The following ESYT1 variants were observed in gnomAD, a reference collection of about 807,000 sequenced individuals.
ESYT1 encodes the protein extended synaptotagmin 1.
A neutral mutation model predicts 154.2 loss-of-function variants in ESYT1; 116 were observed. The ratio of observed to expected loss-of-function variants is 0.75; its 90% CI spans 0.65 to 0.88. ESYT1 has a LOEUF of 0.88. Ranked by LOEUF, ESYT1 falls within the 40% of genes least tolerant of loss-of-function variation. The probability of loss-of-function intolerance (pLI) is 0.00; values close to 1 mark genes in which losing one functional copy is unlikely to be tolerated. For missense variants in ESYT1, 1,264 were observed against 1,379.3 expected, an observed-to-expected ratio of 0.92 and a Z score of 1.32; for synonymous variants, 500 against 539.9, an observed-to-expected ratio of 0.93 and a Z score of 1.02.
chr12:56,143,658 C>G (rs1234706699), intron 30 of ESYT1, 29 bp downstream of exon 30: 1 of 1,613,864 alleles, frequency 6.2e-7, no homozygotes. Flanking sequence ...GGGGGATGGT[C>G]TGGATATTTC....
chr12:56,143,401 G>A, intron 29 of ESYT1, 68 bp downstream of exon 29: 1 of 1,553,886 alleles, frequency 6.4e-7, no homozygotes, highest in African/African-American at 1.4e-5. Context: ...TATAGTCCCT[G>A]TGAGGAAGGA....
In ESYT1 at chr12:56,134,976, A is replaced by G. The variant is rs549597199; in HGVS notation, c.1632+548A>G. ...ATGAAACTGGCCAGTAAGCATTGTG[A>G]AAGCAGATGCTATGTTTCGTGCTTT... On this transcript the variant is annotated intron_variant, in intron 15 of 30. Coordinates refer to ENST00000394048, the MANE Select transcript of ESYT1 (RefSeq NM_015292.3). Among the ~76,000 whole-genome samples, 3 of 152,248 alleles carry G rather than the reference A, an allele frequency of 2.0e-5. 1 individual carries two copies. The South Asian group carries it at 6.2e-4, about 32-fold the overall frequency.
At chr12:56,129,918 CT>C (rs11347989) in intron 1 of ESYT1, among the ~76,000 whole-genome samples, 30,264 of 147,710 alleles carry the variant, frequency 0.2, 4,422 homozygotes, top group African/African-American at 0.42. Context: ...GAAAAGGGGA[CT>C]TTTTTTTTTT....
chr12:56,131,826 C>T (rs1367589004), intron 7 of ESYT1, 22 bp downstream of exon 7: 3 of 1,610,790 alleles, frequency 1.9e-6, no homozygotes, highest in Non-Finnish European at 2.5e-6. Context: ...TTACTGAGCA[C>T]CTGCTGAGTG....
At position 56,128,598 on chromosome 12, in the gene ESYT1, G is replaced by T. The variant is rs1870099361; in HGVS notation, c.279G>T (p.Arg93=). 1 of 1,614,122 alleles carries T rather than the reference G, an allele frequency of 6.2e-7. No homozygotes were observed. Among genetic ancestry groups the T allele is most frequent in the African/African-American group, 1.3e-5 (1 of 75,056 alleles). ...FGLALYLGWR[R]VRDEKERSLR... ...TCGCCCTCTACCTGGGCTGGCGCCGGGTCCGCGACGAGAAAGAACGGAGCC... is the reference window on the plus strand; with the variant it reads ...TCGCCCTCTACCTGGGCTGGCGCCGTGTCCGCGACGAGAAAGAACGGAGCC... The change falls in exon 1 of 31, where the codon CGG becomes CGT. Residue 93 remains arginine, a synonymous_variant. Transcript: ENST00000394048.
rs546952706 is a variant in ESYT1, at chr12:56,133,100, G to A, written c.1244+299G>A. The stretch of plus-strand genomic sequence containing the variant: ...CGCGCCACTGCACTCCAGCCTGGGC[G>A]ACAGAGCGAGACTCTGTCTCTAAAG... On this transcript the variant is annotated intron_variant, in intron 10 of 30. Transcript: ENST00000394048. Among the ~76,000 whole-genome samples, 6 of 151,916 alleles carry A rather than the reference G, an allele frequency of 3.9e-5. No individual in the cohort carries two copies. The South Asian group carries it at 6.3e-4, about 16-fold the overall frequency.
intron 1 of ESYT1, 142 bp from the exon 2 acceptor site, chr12:56,130,440 G>A: frequency 1.1e-6 from 1 of 935,882 alleles, no homozygotes; most frequent in Non-Finnish European, 1.7e-6. Context: ...TGAACCTTTG[G>A]GGCATCCTCG....
Position 56,138,059 on chromosome 12 carries a change from T to C in ESYT1, c.2232T>C (p.Ser744=). The C allele has an allele frequency of 1.2e-6, 2 of 1,614,216 alleles. No homozygotes were observed. Among genetic ancestry groups the C allele is most frequent in the Non-Finnish European group, 1.7e-6 (2 of 1,180,046 alleles). The change falls in exon 20 of 31, where the codon AGT becomes AGC. Residue 744 remains serine (S), a synonymous_variant. Transcript: ENST00000394048. The part of the protein sequence containing the change: ...CKVRLTTVLN[S]GFLDEWLTLE... ...TGCGTCTCACCACAGTCTTAAACAGTGGCTTCCTTGATGAGGTGAGCATTG... is the reference window on the plus strand; with the variant it reads ...TGCGTCTCACCACAGTCTTAAACAGCGGCTTCCTTGATGAGGTGAGCATTG...
intron 1 of ESYT1, chr12:56,129,163 TTC>T (rs1011660588): frequency 5.9e-6 from 1 of 170,022 alleles, no homozygotes; most frequent in African/African-American, 2.4e-5. Context: ...AGCCATACGG[TTC>T]TCTCTTTTCT....
Position 56,137,345 on chromosome 12 carries a change from C to G in ESYT1, c.1910C>G (p.Thr637Arg), listed in dbSNP as rs747079262. Residue 637 changes from threonine (T) to arginine (R), a missense_variant, in exon 17 of 31, where the codon ACG becomes AGG. Coordinates refer to ENST00000394048, the MANE Select transcript of ESYT1 (RefSeq NM_015292.3). ...GATGCCCCACCTCGACCCTGTCACA[C>G]GACTCCTGATAGCCAGTTTGGGACT... ...SVDAPPRPCH[T>R]TPDSQFGTEH... 6.2e-7 allele frequency: 1 copy of G among 1,614,164 alleles called. No homozygotes were observed. The highest frequency in any genetic ancestry group is 8.5e-7 in the Non-Finnish European group (1 of 1,180,028).
intron 15 of ESYT1, among the ~76,000 whole-genome samples, chr12:56,135,582 C>T (rs1019309880): frequency 6.6e-6 from 1 of 151,972 alleles, no homozygotes; most frequent in Non-Finnish European, 1.5e-5. Flanking sequence ...CATATAAAAT[C>T]ATTCAAGAAC....
chr12:56,133,911 C>T (rs749356191), intron 13 of ESYT1, 38 bp downstream of exon 13: 1 of 1,598,590 alleles, frequency 6.3e-7, no homozygotes, highest in Admixed American at 1.7e-5. Context: ...CTGGATGTAA[C>T]ATTCCCCAAC....
chr12:56,134,158 C>T lies in ESYT1; in HGVS notation c.1522C>T (p.Gln508Ter). 1 of 1,614,142 alleles carries T rather than the reference C, an allele frequency of 6.2e-7. No individual in the cohort carries two copies. Among genetic ancestry groups the T allele is most frequent in the Non-Finnish European group, 8.5e-7 (1 of 1,180,016 alleles). Residue 508 changes from glutamine to a stop codon, truncating the protein, a stop_gained, in exon 14 of 31, where the codon CAG (glutamine) becomes TAG (stop). Transcript: ENST00000394048. LOFTEE classifies it high-confidence loss of function. Reference sequence around the variant, plus strand: ...CAACCCTATGGTACAACTGTCAATTCAGGATGTGACTCAGGAGAGCAAGGT... The same window carrying T: ...CAACCCTATGGTACAACTGTCAATTTAGGATGTGACTCAGGAGAGCAAGGT... ...EPNPMVQLSI[Q>*]DVTQESKAVY...
At chr12:56,131,643 G>A in intron 6 of ESYT1, 77 bp downstream of exon 6, 2 of 1,601,704 alleles carry the variant, frequency 1.2e-6, no homozygotes. Context: ...CCAGTGAAGG[G>A]GAATGAGAAG....
intron 6 of ESYT1, 67 bp from the exon 7 acceptor site, chr12:56,131,682 G>C: frequency 1.2e-6 from 2 of 1,607,764 alleles, no homozygotes; most frequent in Non-Finnish European, 1.7e-6. Flanking sequence ...GAGGGGTTCT[G>C]GCAACTGTTT....
rs1212987823 is a variant in ESYT1, at chr12:56,142,042, G to A, written c.2593-243G>A. On this transcript the variant is annotated intron_variant, in intron 24 of 30. Coordinates refer to ENST00000394048, the MANE Select transcript of ESYT1 (RefSeq NM_015292.3). The surrounding 1 kb of genome is among the most constrained non-coding windows in gnomAD (Gnocchi z 4.1). ...GAACCTGGGAGGCGGAGGTTGCGGT[G>A]AGACCAGATCACGCCATGCACTCCA... Among the ~76,000 whole-genome samples the A allele has an allele frequency of 6.6e-6, 1 of 150,676 alleles. No individual in the cohort carries two copies. Among genetic ancestry groups the A allele is most frequent in the Admixed American group, 6.6e-5 (1 of 15,098 alleles).
intron 15 of ESYT1, 104 bp from the exon 16 acceptor site, chr12:56,136,640 G>T: frequency 2.9e-5 from 23 of 800,974 alleles, no homozygotes; most frequent in Non-Finnish European, 3.3e-5. Flanking sequence ...GGAGGTTTGT[G>T]ATTGGTACAG....
At chr12:56,128,752 C>A in intron 1 of ESYT1, 43 bp downstream of exon 1, 1 of 1,606,304 alleles carries the variant, frequency 6.2e-7, no homozygotes, top group Non-Finnish European at 8.5e-7. Flanking sequence ...TAGCCCCCTT[C>A]CACCCCTTCC....
Position 56,137,302 on chromosome 12 carries a change from CAG to C in ESYT1, c.1872_1873del (p.Gly625GlnfsTer15), listed in dbSNP as rs1870499512. 6.2e-7 allele frequency: 1 copy of C among 1,614,076 alleles called. No individual in the cohort carries two copies. Among genetic ancestry groups the C allele is most frequent in the Admixed American group, 1.7e-5 (1 of 60,006 alleles). Reference sequence around the variant, plus strand: ...TTGGGACGTGGACAGTGAGAATCCCCAGAGAGGCAGCAGTGTGGATGCCCCAC... The same window carrying C: ...TTGGGACGTGGACAGTGAGAATCCCCAGAGGCAGCAGTGTGGATGCCCCAC... ...GAWDVDSENP[Q>X]RGSSVDAPPR... On this transcript the variant is annotated frameshift_variant, in exon 17 of 31. Coordinates refer to ENST00000394048, the MANE Select transcript of ESYT1 (RefSeq NM_015292.3). LOFTEE classifies it high-confidence loss of function.
Sources: allele counts gnomAD v4.1 joint callset (sites outside exome capture counted in the v4.1 genomes callset), GRCh38; gene constraint gnomAD v4.1.1; non-coding constraint Gnocchi (gnomAD v3.1); transcripts MANE v1.5; gene names NCBI Gene and HGNC (gene_info 2026-07-23, HGNC 2026-07-21).